Variants in KAZN observed in about 807,000 individuals in gnomAD.
KAZN encodes the protein kazrin.
A neutral mutation model predicts 87.4 loss-of-function variants in KAZN; 40 were observed. The ratio of observed to expected loss-of-function variants is 0.46; its 90% CI spans 0.36 to 0.60. KAZN has a LOEUF of 0.60. KAZN is among the 20% of genes least tolerant of loss of function. The probability of loss-of-function intolerance (pLI) is 0.00; values close to 1 mark genes in which losing one functional copy is unlikely to be tolerated. For synonymous variants in KAZN, 466 were observed against 458.3 expected (o/e 1.02, Z -0.22); for missense variants, 898 against 1,073.9 (o/e 0.84, Z 2.29).
intron 1 of KAZN, among the ~76,000 whole-genome samples, chr1:14,767,032 C>A (rs916758726): frequency 3.3e-5 from 5 of 152,032 alleles, no homozygotes; most frequent in African/African-American, 1.2e-4. Flanking sequence ...AAGATCTCTG[C>A]CCTGGTGCTG....
At chr1:14,076,870 G>A (rs1643480039) in intron 1 of KAZN, among the ~76,000 whole-genome samples, 1 of 152,180 alleles carries the variant, frequency 6.6e-6, no homozygotes, top group Non-Finnish European at 1.5e-5. Context: ...AGGTTCTGTA[G>A]AATCAGCCCA....
chr1:14,438,978 T>C (rs79328561), intron 2 of KAZN, among the ~76,000 whole-genome samples: 3,786 of 152,296 alleles, frequency 0.025, 71 homozygotes, highest in East Asian at 0.058. Context: ...CTTGGGTATT[T>C]ATTGCGTCTC....
intron 2 of KAZN, among the ~76,000 whole-genome samples, chr1:14,377,493 T>G (rs1408716915): frequency 6.6e-6 from 1 of 152,184 alleles, no homozygotes; most frequent in African/African-American, 2.4e-5. Flanking sequence ...AGAAACAGTC[T>G]CTAGCCTTTT....
At chr1:14,578,379 A>T (rs1043694658) in intron 2 of KAZN, among the ~76,000 whole-genome samples, 3 of 151,990 alleles carry the variant, frequency 2.0e-5, no homozygotes, top group Admixed American at 6.6e-5. Context: ...GCTGTGACTC[A>T]TTATTGTAAA....
intron 1 of KAZN, among the ~76,000 whole-genome samples, chr1:14,750,332 C>T (rs1015063683): frequency 2.0e-5 from 3 of 152,186 alleles, no homozygotes; most frequent in Non-Finnish European, 1.5e-5. Context: ...AGAGCAGCCA[C>T]GGCTCCTGAA....
chr1:15,046,654 C>T (rs1237562062), intron 4 of KAZN, among the ~76,000 whole-genome samples: 2 of 152,146 alleles, frequency 1.3e-5, no homozygotes, highest in African/African-American at 2.4e-5. Context: ...GGCCAGGCCC[C>T]AGGACAGGCC....
intron 2 of KAZN, among the ~76,000 whole-genome samples, chr1:14,317,539 A>G (rs1411988679): frequency 6.6e-6 from 1 of 151,884 alleles, no homozygotes; most frequent in African/African-American, 2.4e-5. Flanking sequence ...TATTTATTAT[A>G]TGTGTGTGCT....
At chr1:13,945,710 T>TGTGTGTGAGAGAGA (rs757118365) in intron 1 of KAZN, among the ~76,000 whole-genome samples, 1 of 137,186 alleles carries the variant, frequency 7.3e-6, no homozygotes, top group East Asian at 2.3e-4. Flanking sequence ...TGTGTGTGTG[T>TGTGTGTGAGAGAGA]GAGAGAGAGA....
chr1:14,177,149 C>T (rs1474831975), intron 1 of KAZN, among the ~76,000 whole-genome samples: 26 of 151,866 alleles, frequency 1.7e-4, no homozygotes, highest in Admixed American at 1.2e-3. Flanking sequence ...CACAGCGAGA[C>T]GCCATCTCAA....
chr1:14,324,411 C>A (rs1656255877), intron 2 of KAZN, among the ~76,000 whole-genome samples: 2 of 152,190 alleles, frequency 1.3e-5, no homozygotes, highest in African/African-American at 4.8e-5. Context: ...CGTTTCTGGT[C>A]AGCAGAAATC....
At chr1:14,916,325 A>G (rs1657815502) in intron 1 of KAZN, among the ~76,000 whole-genome samples, 1 of 151,934 alleles carries the variant, frequency 6.6e-6, no homozygotes, top group East Asian at 1.9e-4. Context: ...GTGTGCCACC[A>G]TGCCCAACTC....
At chr1:14,544,800 G>A (rs1054256687) in intron 2 of KAZN, among the ~76,000 whole-genome samples, 1 of 150,758 alleles carries the variant, frequency 6.6e-6, no homozygotes. Flanking sequence ...AAACTCCTGG[G>A]CTTGAGTGAT....
Position 15,104,064 on chromosome 1 carries a change from T to TGTGCTG in KAZN, c.1931_1936dup (p.Val644_Leu645dup). The TGTGCTG allele has an allele frequency of 1.9e-6, 3 of 1,613,752 alleles. No individual in the cohort carries two copies. The highest frequency in any genetic ancestry group is 2.5e-6 in the Non-Finnish European group (3 of 1,179,832). On this transcript the variant is annotated inframe_insertion, in exon 13 of 15. Coordinates refer to ENST00000376030, the MANE Select transcript of KAZN (RefSeq NM_201628.3). ...TGACCAACAGCGGCGTCCATGGTGC[T>TGTGCTG]GTGCTGGTGCTGGAGCCCACATTCA...
chr1:14,968,617 G>T (rs1379517719), intron 2 of KAZN, among the ~76,000 whole-genome samples: 2 of 152,180 alleles, frequency 1.3e-5, no homozygotes, highest in Non-Finnish European at 2.9e-5. Context: ...CGCCTGCAGG[G>T]CACAGCAGCC....
At chr1:14,736,326 T>G (rs1643906042) in intron 1 of KAZN, among the ~76,000 whole-genome samples, 1 of 148,314 alleles carries the variant, frequency 6.7e-6, no homozygotes, top group African/African-American at 2.5e-5. Context: ...GAGACGGAGT[T>G]TTGCTCTTGT....
chr1:14,607,324 A>G (rs10754864), intron 1 of KAZN, among the ~76,000 whole-genome samples: 111,037 of 152,122 alleles, frequency 0.73, 41,132 homozygotes, highest in Non-Finnish European at 0.8. Flanking sequence ...AGGCACACAA[A>G]GGTCACATGA....
intron 2 of KAZN, among the ~76,000 whole-genome samples, chr1:14,381,643 C>T (rs1160199903): frequency 6.6e-6 from 1 of 151,900 alleles, no homozygotes; most frequent in Non-Finnish European, 1.5e-5. Flanking sequence ...TGATAAAAAC[C>T]CTCAAAAAAC....
intron 1 of KAZN, among the ~76,000 whole-genome samples, chr1:14,098,819 C>T: frequency 6.6e-6 from 1 of 152,182 alleles, no homozygotes; most frequent in African/African-American, 2.4e-5. Flanking sequence ...CTTTGATTTA[C>T]TTCAATTTAT....
intron 2 of KAZN, among the ~76,000 whole-genome samples, chr1:14,207,253 C>T (rs1016801289): frequency 9.2e-5 from 14 of 152,032 alleles, no homozygotes; most frequent in Non-Finnish European, 1.0e-4. Flanking sequence ...TGTGAGCCAC[C>T]ATGCCTGGCC....
Sources: gnomAD v4.1 joint callset for allele counts (sites outside exome capture counted in the v4.1 genomes callset) on GRCh38, gnomAD v4.1.1 for gene constraint, MANE v1.5 for transcripts, NCBI Gene and HGNC (gene_info 2026-07-23, HGNC 2026-07-21) for gene names.